POU2F2: variants seen among roughly 807,000 people sequenced by gnomAD.
POU2F2 encodes POU class 2 homeobox 2, also known as POU domain, class 2, transcription factor 2.
In POU2F2, 14 loss-of-function variants were observed where a neutral mutation model predicts 63.5. The ratio of observed to expected loss-of-function variants is 0.22; its 90% CI spans 0.15 to 0.34. The LOEUF (loss-of-function observed/expected upper bound fraction) is 0.34. Among genes scored for constraint, POU2F2 ranks in the 10% least tolerant of loss-of-function variants. The pLI is 1.00. For missense variants in POU2F2, 607 were observed against 815.2 expected, an observed-to-expected ratio of 0.74 and a Z score of 3.11; for synonymous variants, 306 against 348.6, an observed-to-expected ratio of 0.88 and a Z score of 1.36.
intron 2 of POU2F2, among the ~76,000 whole-genome samples, chr19:42,143,303 G>C (rs2034165632): frequency 6.6e-6 from 1 of 152,084 alleles, no homozygotes; most frequent in African/African-American, 2.4e-5. Flanking sequence ...AGTGAGCCGA[G>C]ATCAAGCTGC....
In POU2F2 at chr19:42,117,427, G is replaced by T; in HGVS notation, c.192C>A (p.Gly64=). 2 of 1,219,806 alleles carry T rather than the reference G, an allele frequency of 1.6e-6. No individual in the cohort carries two copies. The highest frequency in any genetic ancestry group is 2.3e-6 in the Non-Finnish European group (2 of 862,584). 75.6% of individuals were successfully genotyped at this position (1,219,806 alleles called of 1,614,324 possible). ...ATGTTAAGTGGAGGCCAGAGAGAATGCCCACCTGTGAACCAAAGAGAGGGC... is the reference window on the plus strand; with the variant it reads ...ATGTTAAGTGGAGGCCAGAGAGAATTCCCACCTGTGAACCAAAGAGAGGGC... ...VSPTGPSTKV[G]ILSGLHLTFW... is the part of the protein sequence containing the mutation. Residue 64 remains glycine, a synonymous_variant, in exon 5 of 15, where the codon GGC becomes GGA. Transcript: ENST00000692977. The surrounding 1 kb of genome is among the most constrained non-coding windows in gnomAD (Gnocchi z 4.4).
intron 2 of POU2F2, among the ~76,000 whole-genome samples, chr19:42,142,670 C>T (rs2146757990): frequency 6.6e-6 from 1 of 152,214 alleles, no homozygotes; most frequent in Non-Finnish European, 1.5e-5. Context: ...GCAAGCAATC[C>T]TCCTACCTCA....
chr19:42,141,144 C>T (rs1306294620), intron 2 of POU2F2, among the ~76,000 whole-genome samples: 1 of 152,224 alleles, frequency 6.6e-6, no homozygotes, highest in Non-Finnish European at 1.5e-5. Flanking sequence ...AATCACTTCC[C>T]AATGAGGCTG....
intron 1 of POU2F2, among the ~76,000 whole-genome samples, chr19:42,186,457 G>A (rs1302507058): frequency 6.6e-6 from 1 of 152,048 alleles, no homozygotes; most frequent in African/African-American, 2.4e-5. Flanking sequence ...TGTGTGCAGG[G>A]AGGCAGTTGG....
At chr19:42,187,803 C>T (rs1599731759) in intron 1 of POU2F2, among the ~76,000 whole-genome samples, 1 of 149,808 alleles carries the variant, frequency 6.7e-6, no homozygotes, top group African/African-American at 2.5e-5. Context: ...GAAATGAAGT[C>T]CCTAAATGGA....
rs761440487 is a variant in POU2F2, at chr19:42,099,761, G to A, written c.430C>T (p.Pro144Ser). Reference protein sequence around the residue: ...LVLVPGHHLQPPAQFLLPQAQ... With the variant: ...LVLVPGHHLQSPAQFLLPQAQ... ...TGCGGTAGCAGGAACTGAGCAGGTG[G>A]CTGGAGGTGGTGGCCTGGCACAAGC... Residue 144 changes from proline to serine, a missense_variant, in exon 6 of 15, where the codon CCA becomes TCA. Pro to Ser is a moderately conservative substitution (Grantham distance 74). Transcript: ENST00000692977. 7 of 1,589,600 alleles carry A rather than the reference G, an allele frequency of 4.4e-6. No homozygotes were observed. The highest frequency in any genetic ancestry group is 1.8e-5 in the Admixed American group (1 of 56,604).
intron 5 of POU2F2, among the ~76,000 whole-genome samples, chr19:42,111,322 G>T (rs186722307): frequency 1.6e-4 from 24 of 151,520 alleles, no homozygotes; most frequent in African/African-American, 5.6e-4. Context: ...TCTCTATGTT[G>T]CCCAGGCTAG....
chr19:42,158,691 A>G (rs2034500966), intron 2 of POU2F2, among the ~76,000 whole-genome samples: 1 of 152,226 alleles, frequency 6.6e-6, no homozygotes, highest in African/African-American at 2.4e-5. Context: ...CATGTCCATG[A>G]AATCATGGAT....
chr19:42,117,442 A>G lies in POU2F2; in HGVS notation c.187-10T>C. The G allele has an allele frequency of 9.5e-7, 1 of 1,047,456 alleles. No individual in the cohort carries two copies. Among genetic ancestry groups the G allele is most frequent in the East Asian group, 2.6e-5 (1 of 38,058 alleles). The allele number at this position is 1,047,456 out of a possible 1,614,324, so 64.9% of individuals were successfully genotyped here. A position where few individuals can be genotyped will look rare whatever the true frequency, so the allele number is the denominator to read the frequency against. ...CAGAGAGAATGCCCACCTGTGAACC[A>G]AAGAGAGGGCACGTGTGTGGCAATG... On this transcript the variant is annotated splice_polypyrimidine_tract_variant and intron_variant, in intron 4 of 14. Transcript: ENST00000692977. The surrounding 1 kb of genome is among the most constrained non-coding windows in gnomAD (Gnocchi z 4.4).
chr19:42,119,751 G>A lies in POU2F2; in HGVS notation c.187-2319C>T, dbSNP rs59023951. 7.9e-3 allele frequency among the ~76,000 whole-genome samples: 1,199 copies of A among 152,148 alleles called. 18 individuals carry two copies. The highest frequency in any genetic ancestry group is 0.028 in the African/African-American group (1,148 of 41,520). ...TGCACTCCAGCCCGGGTGACAGTGC[G>A]AGACTCCGTCTCAAAAAAAAAAAGT... is the stretch of plus-strand genomic sequence containing the variant. On this transcript the variant is annotated intron_variant, in intron 4 of 14. Coordinates refer to ENST00000692977, the MANE Select transcript of POU2F2 (RefSeq NM_001394376.1).
intron 1 of POU2F2, among the ~76,000 whole-genome samples, chr19:42,125,183 T>A (rs1353480830): frequency 1.3e-5 from 2 of 151,584 alleles, no homozygotes; most frequent in African/African-American, 4.9e-5. Flanking sequence ...CATAGTGAAA[T>A]CCCCGTCTCT....
intron 1 of POU2F2, among the ~76,000 whole-genome samples, chr19:42,167,563 G>C (rs185290565): frequency 1.8e-4 from 27 of 152,328 alleles, no homozygotes; most frequent in Non-Finnish European, 2.9e-4. Flanking sequence ...CAAGTGCAAA[G>C]GCCCTGGGTC....
At chr19:42,194,309 G>A (rs1050054270) in intron 1 of POU2F2, among the ~76,000 whole-genome samples, 2 of 152,154 alleles carry the variant, frequency 1.3e-5, no homozygotes, top group African/African-American at 4.8e-5. Flanking sequence ...TTGAGCCCAG[G>A]AGTTTGAGGT....
rs996011478 is a variant in POU2F2 at position 42,091,546 on chromosome 19, C to G, written c.1586G>C (p.Ser529Thr). Residue 529 changes from serine (S) to threonine (T), a missense_variant, in exon 15 of 15, where the codon AGC becomes ACC. Around this residue, in one of 7 missense-constraint regions of POU2F2, gnomAD observed 270 missense variants for 307.5 expected, o/e 0.88. Coordinates refer to ENST00000692977, the MANE Select transcript of POU2F2 (RefSeq NM_001394376.1). ...GTLPLTSLDGSGNLVLGAAGA... is the reference protein window; with the variant it reads ...GTLPLTSLDGTGNLVLGAAGA... ...GGCTGCCCCCAGCACCAGATTCCCGCTGCCATCAAGGCTGGTAAGGGGCAG... is the reference window on the plus strand; with the variant it reads ...GGCTGCCCCCAGCACCAGATTCCCGGTGCCATCAAGGCTGGTAAGGGGCAG... 2.3e-5 allele frequency: 35 copies of G among 1,550,000 alleles called. No homozygotes were observed. Among genetic ancestry groups the G allele is most frequent in the Non-Finnish European group, 2.9e-5 (33 of 1,145,836 alleles).
At chr19:42,141,977 A>G (rs1288080225) in intron 2 of POU2F2, among the ~76,000 whole-genome samples, 1 of 152,228 alleles carries the variant, frequency 6.6e-6, no homozygotes, top group Non-Finnish European at 1.5e-5. Context: ...AGACTGATCT[A>G]TGGATTGCGG....
chr19:42,123,971 G>A (rs997401671), intron 1 of POU2F2, among the ~76,000 whole-genome samples: 1 of 152,036 alleles, frequency 6.6e-6, no homozygotes, highest in Non-Finnish European at 1.5e-5. Flanking sequence ...TACTAAAGGA[G>A]CTGTCCAACT....
At chr19:42,192,389 T>C (rs1027098066) in intron 1 of POU2F2, among the ~76,000 whole-genome samples, 2 of 152,054 alleles carry the variant, frequency 1.3e-5, no homozygotes, top group Non-Finnish European at 2.9e-5. Context: ...CTTTGAGATG[T>C]CCCCAGTGAT....
Position 42,114,256 on chromosome 19 carries a change from G to A in POU2F2, c.369+2994C>T, listed in dbSNP as rs1313035572. ...GAGATGGTGGCCTGGCTGGGTCTGC[G>A]CTAGGCTGCCCTGTTCTGCCTTCTA... is the stretch of plus-strand genomic sequence containing the variant. On this transcript the variant is annotated intron_variant, in intron 5 of 14. Coordinates refer to ENST00000692977, the MANE Select transcript of POU2F2 (RefSeq NM_001394376.1). Among the ~76,000 whole-genome samples, 4 of 152,100 alleles carry A rather than the reference G, an allele frequency of 2.6e-5. No individual in the cohort carries two copies. The South Asian group carries it at 6.2e-4, about 24-fold the overall frequency.
intron 5 of POU2F2, 114 bp from the exon 6 acceptor site, chr19:42,099,935 T>TCC: frequency 1.2e-6 from 1 of 812,316 alleles, no homozygotes; most frequent in Non-Finnish European, 2.0e-6. Context: ...CACATGGCGA[T>TCC]CTGGCACTGG....
Sources: gnomAD v4.1 joint callset for allele counts (sites outside exome capture counted in the v4.1 genomes callset) on GRCh38, gnomAD v4.1.1 for gene constraint, gnomAD v4.1.1 regional missense constraint, Gnocchi (gnomAD v3.1) non-coding constraint, MANE v1.5 for transcripts, NCBI Gene and HGNC (gene_info 2026-07-23, HGNC 2026-07-21) for gene names.